MROH2A: variants seen among roughly 807,000 people sequenced by gnomAD.
MROH2A encodes maestro heat-like repeat-containing protein family member 2A.
A neutral mutation model predicts 200.4 loss-of-function variants in MROH2A; 174 were observed. That is an observed-to-expected ratio of 0.87 (90% confidence interval 0.77 to 0.98). The LOEUF (loss-of-function observed/expected upper bound fraction) is 0.98, where lower values mean the gene tolerates loss of function less well. Ranked by LOEUF, MROH2A falls within the 50% of genes least tolerant of loss-of-function variation. MROH2A has a pLI of 0.00. For synonymous variants in MROH2A, 829 were observed against 840.4 expected (o/e 0.99, Z 0.23); for missense variants, 2,045 against 2,139.6 (o/e 0.96, Z 0.87).
chr2:233,816,787 G>C lies in MROH2A; in HGVS notation c.2863G>C (p.Glu955Gln). Residue 955 changes from glutamate (E) to glutamine (Q), a missense_variant, in exon 27 of 42, where the codon GAA becomes CAA. Coordinates refer to ENST00000389758, the MANE Select transcript of MROH2A (RefSeq NM_001394639.1). ...KGLQEMVQLL[E>Q]KWILSEKEWE... is the part of the protein sequence containing the mutation. The stretch of plus-strand genomic sequence containing the variant: ...TTCTGGGCTCTACCCATAGCTCCTG[G>C]AAAAGTGGATCTTGTCGGAGAAAGA... 2 of 1,550,038 alleles carry C rather than the reference G, an allele frequency of 1.3e-6. No homozygotes were observed. The highest frequency in any genetic ancestry group is 1.7e-6 in the Non-Finnish European group (2 of 1,146,616).
Position 233,805,019 on chromosome 2 carries a change from C to G in MROH2A, c.1960C>G (p.Leu654Val). The change falls in exon 19 of 42, where the codon CTC becomes GTC. Residue 654 changes from leucine (L) to valine (V), a missense_variant. Leu to Val is a conservative substitution (Grantham distance 32). Transcript: ENST00000389758. ...DKLIQFLRNS[L>V]KKTRGSSWSL... ...GCCTCCCCAGTTTCTGCGAAACTCCCTCAAGAAGACCCGGGGGTCTAGCTG... is the reference window on the plus strand; with the variant it reads ...GCCTCCCCAGTTTCTGCGAAACTCCGTCAAGAAGACCCGGGGGTCTAGCTG... The G allele has an allele frequency of 3.9e-6, 6 of 1,549,946 alleles. No homozygotes were observed. The highest frequency in any genetic ancestry group is 5.2e-6 in the Non-Finnish European group (6 of 1,146,644).
chr2:233,811,488 C>CA (rs1333992151), intron 23 of MROH2A, among the ~76,000 whole-genome samples: 1 of 152,206 alleles, frequency 6.6e-6, no homozygotes, highest in Non-Finnish European at 1.5e-5. Context: ...GAACAGAAGG[C>CA]AATGAGGAGG....
intron 26 of MROH2A, among the ~76,000 whole-genome samples, chr2:233,815,998 A>G (rs546431005): frequency 6.6e-6 from 1 of 152,278 alleles, no homozygotes; most frequent in East Asian, 1.9e-4. Flanking sequence ...GTTTCCGAGA[A>G]TCTTTCTGGT....
At chr2:233,805,564 T>C (rs977708554) in intron 19 of MROH2A, among the ~76,000 whole-genome samples, 7 of 152,154 alleles carry the variant, frequency 4.6e-5, no homozygotes, top group African/African-American at 1.7e-4. Flanking sequence ...ATCCTAAAAT[T>C]TATATGGAAA....
intron 8 of MROH2A, 115 bp from the exon 9 acceptor site, chr2:233,795,538 G>GCT (rs1702049335): frequency 6.8e-7 from 1 of 1,477,244 alleles, no homozygotes; most frequent in African/African-American, 1.4e-5. Flanking sequence ...TTTCTAATCA[G>GCT]CTCCCAGGGA....
chr2:233,814,984 A>T (rs564059601), intron 26 of MROH2A, among the ~76,000 whole-genome samples: 3 of 152,362 alleles, frequency 2.0e-5, no homozygotes, highest in Admixed American at 6.5e-5. Flanking sequence ...ACTCTCTTAT[A>T]TAACAACAGT....
intron 11 of MROH2A, 78 bp downstream of exon 11, chr2:233,796,391 T>C: frequency 1.0e-6 from 1 of 970,060 alleles, no homozygotes; most frequent in Non-Finnish European, 1.5e-6. Context: ...CAAGTTTCAT[T>C]CATGTTCGGG....
chr2:233,785,467 C>CAAAA (rs34259208), intron 3 of MROH2A, among the ~76,000 whole-genome samples: 2 of 110,740 alleles, frequency 1.8e-5, no homozygotes, highest in Non-Finnish European at 3.6e-5. Flanking sequence ...GACTTTGTCT[C>CAAAA]AAAAAAAAAA....
In MROH2A at chr2:233,833,250, A is replaced by C; in HGVS notation, c.5016A>C (p.Gly1672=). The change falls in exon 42 of 42, where the codon GGA becomes GGC. Residue 1672 remains glycine (G), a synonymous_variant. Coordinates refer to ENST00000389758, the MANE Select transcript of MROH2A (RefSeq NM_001394639.1). ...ATGGGTTTCTGGCTTCACCCCAAGGAATGTCCTAGGTGGTCCAAACATAAG... is the reference window on the plus strand; with the variant it reads ...ATGGGTTTCTGGCTTCACCCCAAGGCATGTCCTAGGTGGTCCAAACATAAG... ...SQHGFLASPQ[G]MS 2.6e-6 allele frequency: 4 copies of C among 1,548,982 alleles called. No individual in the cohort carries two copies. The highest frequency in any genetic ancestry group is 2.6e-6 in the Non-Finnish European group (3 of 1,146,428).
Position 233,816,650 on chromosome 2 carries a change from G to A in MROH2A, c.2857-131G>A, listed in dbSNP as rs1045677514. The A allele has an allele frequency of 6.9e-6, 4 of 583,516 alleles. No individual in the cohort carries two copies. In the Admixed American group the frequency reaches 8.4e-5, roughly 12 times the overall value. 36.1% of individuals were successfully genotyped at this position (583,516 alleles called of 1,614,324 possible). A position where few individuals can be genotyped will look rare whatever the true frequency, so the allele number is the denominator to read the frequency against. Reference sequence around the variant, plus strand: ...CAGCCTCATCTCCCTTCATGATGGGGCCTGTCTAGAACCACAAGGAAGCAT... The same window carrying A: ...CAGCCTCATCTCCCTTCATGATGGGACCTGTCTAGAACCACAAGGAAGCAT... On this transcript the variant is annotated intron_variant, in intron 26 of 41. Transcript: ENST00000389758.
intron 9 of MROH2A, 90 bp downstream of exon 9, chr2:233,795,835 C>T: frequency 6.5e-7 from 1 of 1,546,996 alleles, no homozygotes; most frequent in East Asian, 2.4e-5. Context: ...CCACAACTCA[C>T]TCGCGTGCTT....
intron 25 of MROH2A, 23 bp from the exon 26 acceptor site, chr2:233,814,559 C>T (rs1428937853): frequency 1.3e-6 from 2 of 1,531,658 alleles, no homozygotes; most frequent in Admixed American, 2.0e-5. Flanking sequence ...TGCCGCCTAT[C>T]TCTCTCTCCC....
chr2:233,813,729 A>G lies in MROH2A; in HGVS notation c.2711A>G (p.His904Arg). The G allele has an allele frequency of 1.3e-6, 2 of 1,550,334 alleles. No homozygotes were observed. The highest frequency in any genetic ancestry group is 1.7e-6 in the Non-Finnish European group (2 of 1,146,780). ...ENSELMDISIHSVISLQLPGE... is the reference protein window; with the variant it reads ...ENSELMDISIRSVISLQLPGE... ...AGTGAGCTGATGGATATCAGCATAC[A>G]TTCTGTAATTTCTCTCCAACTCCCA... Residue 904 changes from histidine (H) to arginine (R), a missense_variant, in exon 25 of 42, where the codon CAT (histidine) becomes CGT (arginine). Coordinates refer to ENST00000389758, the MANE Select transcript of MROH2A (RefSeq NM_001394639.1).
intron 14 of MROH2A, among the ~76,000 whole-genome samples, chr2:233,800,618 CGTGTGTGTGTGTATGTGTGTGTGT>C (rs1702404594): frequency 8.3e-6 from 1 of 120,844 alleles, no homozygotes; most frequent in African/African-American, 3.4e-5. Flanking sequence ...CTTTAAGGCC[CGTGTGTGTGTGTATGTGTGTGTGT>C]GTGTGTGTGT....
rs1429335942 is a variant in MROH2A, at chr2:233,807,817, C to T, written c.2257C>T (p.Gln753Ter). 6.4e-7 allele frequency: 1 copy of T among 1,550,946 alleles called. No individual in the cohort carries two copies. Among genetic ancestry groups the T allele is most frequent in the Non-Finnish European group, 8.7e-7 (1 of 1,147,070 alleles). Reference protein sequence around the residue: ...NVLHDFEERIQESEQSWQISA... With the variant: ...NVLHDFEERI The stretch of plus-strand genomic sequence containing the variant: ...GCTTCATGACTTCGAGGAGAGGATC[C>T]AGGAGTCAGAGCAGTCCTGGCAGAT... The change falls in exon 21 of 42, where the codon CAG (glutamine) becomes TAG (stop). Residue 753 changes from glutamine to a stop codon, truncating the protein, a stop_gained. Transcript: ENST00000389758. LOFTEE classifies it high-confidence loss of function. This position sits in a 1 kb window ranked among gnomAD's most constrained non-coding sequence, Gnocchi z 4.3.
intron 3 of MROH2A, among the ~76,000 whole-genome samples, chr2:233,789,094 A>G (rs1701566428): frequency 6.6e-6 from 1 of 152,036 alleles, no homozygotes; most frequent in Non-Finnish European, 1.5e-5. Flanking sequence ...GATAAGCGCT[A>G]TCATGCAGGA....
intron 3 of MROH2A, among the ~76,000 whole-genome samples, chr2:233,788,569 A>G (rs1701516759): frequency 1.3e-5 from 2 of 152,132 alleles, no homozygotes; most frequent in South Asian, 4.1e-4. Flanking sequence ...CCCTACCACC[A>G]GAGGAGGAAG....
chr2:233,794,566 G>A, intron 8 of MROH2A, 60 bp downstream of exon 8: 2 of 884,392 alleles, frequency 2.3e-6, no homozygotes. Context: ...GGGCTCCCAA[G>A]TGTTTAAAGG....
At position 233,793,019 on chromosome 2, in the gene MROH2A, G is replaced by T. The variant is rs938117044; in HGVS notation, c.670+125G>T. On this transcript the variant is annotated intron_variant, in intron 6 of 41. Coordinates refer to ENST00000389758, the MANE Select transcript of MROH2A (RefSeq NM_001394639.1). ...CACTGTTCACTTGTTCTCCAAAGGA[G>T]TTTGCTTAATCTTTTACTTCGTGTG... 1.6e-4 allele frequency: 152 copies of T among 970,958 alleles called. No individual in the cohort carries two copies. The South Asian group carries it at 2.4e-3, about 15-fold the overall frequency. The allele number at this position is 970,958 out of a possible 1,614,324, so 60.1% of individuals were successfully genotyped here.
Sources: allele counts gnomAD v4.1 joint callset (sites outside exome capture counted in the v4.1 genomes callset), GRCh38; gene constraint gnomAD v4.1.1; non-coding constraint Gnocchi (gnomAD v3.1); transcripts MANE v1.5; gene names NCBI Gene and HGNC (gene_info 2026-07-23, HGNC 2026-07-21).